Variants in PRPF8 observed in about 807,000 individuals in gnomAD.
PRPF8 encodes the protein pre-mRNA processing factor 8.
A neutral mutation model predicts 285.9 loss-of-function variants in PRPF8; 64 were observed. That is an observed-to-expected ratio of 0.22 (90% confidence interval 0.18 to 0.28). The LOEUF (loss-of-function observed/expected upper bound fraction) is 0.28, where lower values mean the gene tolerates loss of function less well. Among genes scored for constraint, PRPF8 ranks in the 10% least tolerant of loss-of-function variants. The pLI, the probability that PRPF8 is intolerant of heterozygous loss-of-function variation, is 1.00. For missense variants in PRPF8, 1,426 were observed against 3,026.7 expected (o/e 0.47, Z 12.41); for synonymous variants, 1,325 against 1,118.2 (o/e 1.18, Z -3.69).
Position 1,661,403 on chromosome 17 carries a change from G to C in PRPF8, c.4206C>G (p.Arg1402=), listed in dbSNP as rs1567679935. ...KRQEAIAQNR[R]LTLEDLEDSW... is the part of the protein sequence containing the mutation. ...AATCTTCTAGGTCTTCTAAAGTCAG[G>C]CGTCTTCCAAAAAAAGAAAGATTCA... is the stretch of plus-strand genomic sequence containing the variant. Residue 1402 remains arginine (R), a synonymous_variant, in exon 27 of 43, where the codon CGC becomes CGG. Transcript: ENST00000304992. This position sits in a 1 kb window ranked among gnomAD's most constrained non-coding sequence, Gnocchi z 7.3. The C allele has an allele frequency of 1.2e-6, 2 of 1,614,090 alleles. No individual in the cohort carries two copies. Among genetic ancestry groups the C allele is most frequent in the Non-Finnish European group, 1.7e-6 (2 of 1,180,032 alleles).
chr17:1,662,933 CA>C (rs1911751840), intron 24 of PRPF8, among the ~76,000 whole-genome samples: 1 of 151,140 alleles, frequency 6.6e-6, no homozygotes, highest in African/African-American at 2.4e-5. Flanking sequence ...GGGTAAAATG[CA>C]AAAAAATATT....
In PRPF8 at chr17:1,658,617, T is replaced by C; in HGVS notation, c.5285A>G (p.Tyr1762Cys). 6.2e-7 allele frequency: 1 copy of C among 1,614,142 alleles called. No homozygotes were observed. Among genetic ancestry groups the C allele is most frequent in the Non-Finnish European group, 8.5e-7 (1 of 1,179,996 alleles). The part of the protein sequence containing the change: ...QLYSSEPTEP[Y>C]LSSQNYGELF... The stretch of plus-strand genomic sequence containing the variant: ...CTCACCATAGTTCTGAGAAGACAAA[T>C]AAGGCTCAGTGGGTTCAGATGAATA... The change falls in exon 33 of 43, where the codon TAT becomes TGT. Residue 1762 changes from tyrosine to cysteine, a missense_variant. Coordinates refer to ENST00000304992, the MANE Select transcript of PRPF8 (RefSeq NM_006445.4). The surrounding 1 kb of genome is among the most constrained non-coding windows in gnomAD (Gnocchi z 4.1).
Position 1,674,462 on chromosome 17 carries a change from A to C in PRPF8, c.3279T>G (p.Asp1093Glu). The change falls in exon 21 of 43, where the codon GAT becomes GAG. Residue 1093 changes from aspartate to glutamate, a missense_variant. Asp to Glu is a conservative substitution (Grantham distance 45, BLOSUM62 2). This residue lies in a region of PRPF8 where 148 missense variants were observed against 196.2 expected (regional missense o/e 0.75). Coordinates refer to ENST00000304992, the MANE Select transcript of PRPF8 (RefSeq NM_006445.4). ...HPIRLFCRYI[D>E]RIHIFFRFTA... ...CTCACCTGAAAAAAATATGGATGCG[A>C]TCAATGTATCTGCAGAAGAGACGGA... 1 of 1,614,110 alleles carries C rather than the reference A, an allele frequency of 6.2e-7. No individual in the cohort carries two copies. Among genetic ancestry groups the C allele is most frequent in the South Asian group, 1.1e-5 (1 of 91,074 alleles).
At chr17:1,683,426 C>T (rs1597251579) in intron 3 of PRPF8, 107 bp downstream of exon 3, 2 of 1,287,734 alleles carry the variant, frequency 1.6e-6, no homozygotes, top group Non-Finnish European at 2.3e-6. Flanking sequence ...TCTCCTTTCT[C>T]TTATATCCAC....
rs577181466 is a variant in PRPF8 at position 1,651,970 on chromosome 17, C to T, written c.6370-182G>A. 52 of 753,474 alleles carry T rather than the reference C, an allele frequency of 6.9e-5. No homozygotes were observed. The Middle Eastern group carries it at 1.4e-3, about 21-fold the overall frequency. 46.7% of individuals were successfully genotyped at this position (753,474 alleles called of 1,614,324 possible). On this transcript the variant is annotated intron_variant, in intron 39 of 42. Transcript: ENST00000304992. The surrounding 1 kb of genome is among the most constrained non-coding windows in gnomAD (Gnocchi z 5.1). ...TCAAAATGTTAGACATGGACCTCATCGCGGACTTACCACATCAGAATCTCC... is the reference window on the plus strand; with the variant it reads ...TCAAAATGTTAGACATGGACCTCATTGCGGACTTACCACATCAGAATCTCC...
At chr17:1,663,728 AAAAAAAAAAAAG>A in intron 24 of PRPF8, among the ~76,000 whole-genome samples, 1 of 147,582 alleles carries the variant, frequency 6.8e-6, no homozygotes, top group African/African-American at 2.4e-5. Flanking sequence ...AAAAAAAAAA[AAAAAAAAAAAAG>A]AGCCAACTAT....
In PRPF8 at chr17:1,651,959, A is replaced by G. The variant is rs1911098989; in HGVS notation, c.6370-171T>C. On this transcript the variant is annotated intron_variant, in intron 39 of 42. Transcript: ENST00000304992. The surrounding 1 kb of genome is among the most constrained non-coding windows in gnomAD (Gnocchi z 5.1). ...GGGGTGCTTGTTCAAAATGTTAGAC[A>G]TGGACCTCATCGCGGACTTACCACA... 4.8e-6 allele frequency: 4 copies of G among 833,300 alleles called. No individual in the cohort carries two copies. The highest frequency in any genetic ancestry group is 7.9e-6 in the Non-Finnish European group (4 of 508,448). 51.6% of individuals were successfully genotyped at this position (833,300 alleles called of 1,614,324 possible). A position where few individuals can be genotyped will look rare whatever the true frequency, so the allele number is the denominator to read the frequency against.
rs752163896 is a variant in PRPF8, at chr17:1,659,337, G to A, written c.5138+20C>T. On this transcript the variant is annotated intron_variant, in intron 32 of 42. Coordinates refer to ENST00000304992, the MANE Select transcript of PRPF8 (RefSeq NM_006445.4). This position sits in a 1 kb window ranked among gnomAD's most constrained non-coding sequence, Gnocchi z 5.1. Reference sequence around the variant, plus strand: ...CACTGCGCCTGGCCTGAAAATACATGGTCCTGAGCCTCAACTCACCTGTGC... The same window carrying A: ...CACTGCGCCTGGCCTGAAAATACATAGTCCTGAGCCTCAACTCACCTGTGC... 2 of 1,613,588 alleles carry A rather than the reference G, an allele frequency of 1.2e-6. No homozygotes were observed.
intron 24 of PRPF8, among the ~76,000 whole-genome samples, chr17:1,671,850 CAAAAAAAAAAA>C (rs1225346730): frequency 2.0e-5 from 1 of 49,810 alleles, no homozygotes; most frequent in Non-Finnish European, 4.1e-5. Context: ...GACTCCATCT[CAAAAAAAAAAA>C]AAAAAAAAAA....
intron 3 of PRPF8, chr17:1,682,950 C>G (rs1336139957): frequency 5.3e-6 from 1 of 188,824 alleles, no homozygotes; most frequent in Non-Finnish European, 1.1e-5. Context: ...GCACAGTATC[C>G]CACTCTGGAC....
chr17:1,650,943 G>A lies in PRPF8; in HGVS notation c.6867C>T (p.Asp2289=), dbSNP rs749519000. The A allele has an allele frequency of 2.5e-6, 4 of 1,614,212 alleles. No individual in the cohort carries two copies. Among genetic ancestry groups the A allele is most frequent in the South Asian group, 2.2e-5 (2 of 91,086 alleles). ...WNYNFMGVRH[D]PNMKYELQLA... ...GCTGTAGCTCATATTTCATGTTGGG[G>A]TCATGCCGAACACCTTCGGGGAGAA... The change falls in exon 43 of 43, where the codon GAC becomes GAT. Residue 2289 remains aspartate (D), a synonymous_variant. Transcript: ENST00000304992.
rs1911514035 is a variant in PRPF8, at chr17:1,658,511, G to A, written c.5376+15C>T. The stretch of plus-strand genomic sequence containing the variant: ...GTACAGAGTCCCGCACCTATACACT[G>A]CTGCTAACACTCACCTTGTGAATAG... On this transcript the variant is annotated intron_variant, in intron 33 of 42. Transcript: ENST00000304992. The surrounding 1 kb of genome is among the most constrained non-coding windows in gnomAD (Gnocchi z 4.1). 1 of 1,611,726 alleles carries A rather than the reference G, an allele frequency of 6.2e-7. No homozygotes were observed. Among genetic ancestry groups the A allele is most frequent in the Non-Finnish European group, 8.5e-7 (1 of 1,177,994 alleles).
At chr17:1,683,774 G>C (rs1913069857) in intron 2 of PRPF8, 73 bp from the exon 3 acceptor site, 4 of 1,575,524 alleles carry the variant, frequency 2.5e-6, no homozygotes, top group Non-Finnish European at 3.5e-6. Context: ...CCTAGGGTAA[G>C]CTCCTGTCAG....
intron 30 of PRPF8, 136 bp from the exon 31 acceptor site, chr17:1,660,137 A>C: frequency 1.7e-6 from 2 of 1,143,010 alleles, no homozygotes; most frequent in Non-Finnish European, 2.6e-6. Flanking sequence ...GCAAAAGAGC[A>C]AGCTGAGCTG....
At chr17:1,681,393 T>C (rs1000284703) in intron 6 of PRPF8, 85 bp downstream of exon 6, 17 of 1,415,714 alleles carry the variant, frequency 1.2e-5, no homozygotes, top group Middle Eastern at 3.5e-4. Context: ...ACAGACTAAT[T>C]TGGAAGTTAT....
chr17:1,656,856 T>C, intron 34 of PRPF8, 95 bp from the exon 35 acceptor site: 1 of 1,117,190 alleles, frequency 9.0e-7, no homozygotes, highest in Non-Finnish European at 1.3e-6. Flanking sequence ...TCCAACTACG[T>C]TTCTATTGAA....
chr17:1,683,782 CA>C, intron 2 of PRPF8, 81 bp from the exon 3 acceptor site: 1 of 1,552,624 alleles, frequency 6.4e-7, no homozygotes, highest in South Asian at 1.1e-5. Context: ...AAGCTCCTGT[CA>C]GTGAGTGTGA....
chr17:1,652,084 C>G, intron 39 of PRPF8: 1 of 520,802 alleles, frequency 1.9e-6, no homozygotes, highest in Non-Finnish European at 3.5e-6. Flanking sequence ...ACACATGCAG[C>G]TCAGTGTATT....
chr17:1,667,777 C>T (rs1355148271), intron 24 of PRPF8, among the ~76,000 whole-genome samples: 2 of 152,086 alleles, frequency 1.3e-5, no homozygotes, highest in South Asian at 2.1e-4. Flanking sequence ...CTCCTGACCT[C>T]GTGATCCACC....
Sources: gnomAD v4.1 joint callset for allele counts (sites outside exome capture counted in the v4.1 genomes callset) on GRCh38, gnomAD v4.1.1 for gene constraint, gnomAD v4.1.1 regional missense constraint, Gnocchi (gnomAD v3.1) non-coding constraint, MANE v1.5 for transcripts, NCBI Gene and HGNC (gene_info 2026-07-23, HGNC 2026-07-21) for gene names.